Variants in PPM1H observed in about 807,000 individuals in gnomAD.
The protein encoded by PPM1H is protein phosphatase, Mg2+/Mn2+ dependent 1H.
Under a neutral mutation model 54.9 loss-of-function variants are expected in PPM1H, and 27 were observed. That is an observed-to-expected ratio of 0.49 (90% confidence interval 0.36 to 0.68). The LOEUF (loss-of-function observed/expected upper bound fraction) is 0.68, where lower values mean the gene tolerates loss of function less well. Among genes scored for constraint, PPM1H ranks in the 30% least tolerant of loss-of-function variants. The pLI, the probability that PPM1H is intolerant of heterozygous loss-of-function variation, is 0.00. For missense variants in PPM1H, 596 were observed against 667.8 expected, an observed-to-expected ratio of 0.89 and a Z score of 1.19; for synonymous variants, 305 against 270.8, an observed-to-expected ratio of 1.13 and a Z score of -1.24.
chr12:62,796,586 G>T (rs534505249), intron 3 of PPM1H, among the ~76,000 whole-genome samples: 5 of 152,168 alleles, frequency 3.3e-5, no homozygotes, highest in Non-Finnish European at 7.4e-5. Context: ...CACTTGGCAC[G>T]TGACCCTCCA....
rs529690755 is a variant in PPM1H at position 62,700,326 on chromosome 12, CCT to C, written c.1074-6329_1074-6328del. Among the ~76,000 whole-genome samples the C allele has an allele frequency of 5.4e-3, 817 of 152,098 alleles. 9 individuals carry two copies. The highest frequency in any genetic ancestry group is 0.019 in the African/African-American group (781 of 41,478). On this transcript the variant is annotated intron_variant, in intron 6 of 9. Coordinates refer to ENST00000228705, the MANE Select transcript of PPM1H (RefSeq NM_020700.2). ...GAGATTCCAATTCTGAATCATTTTT[CCT>C]CTCTCACTCCCTTGTTGAAGCTCTC... is the stretch of plus-strand genomic sequence containing the variant.
intron 9 of PPM1H, among the ~76,000 whole-genome samples, chr12:62,657,162 A>G (rs2075849259): frequency 1.3e-5 from 2 of 152,184 alleles, no homozygotes; most frequent in Non-Finnish European, 2.9e-5. Context: ...ACAAAGCTGC[A>G]GACTGGAGGG....
rs376095459 is a variant in PPM1H at position 62,925,975 on chromosome 12, G to A, written c.245+8517C>T. Among the ~76,000 whole-genome samples, 42 of 152,226 alleles carry A rather than the reference G, an allele frequency of 2.8e-4. 1 individual carries two copies. In the South Asian group the frequency reaches 8.1e-3, roughly 29 times the overall value. On this transcript the variant is annotated intron_variant, in intron 1 of 9. Coordinates refer to ENST00000228705, the MANE Select transcript of PPM1H (RefSeq NM_020700.2). ...AGTTATCTATAGTAGTAGAATCTTC[G>A]AAACTATCTGCCCAGCCCTAACTAC...
chr12:62,820,102 A>G (rs1270661675), intron 2 of PPM1H, among the ~76,000 whole-genome samples: 1 of 152,130 alleles, frequency 6.6e-6, no homozygotes, highest in Non-Finnish European at 1.5e-5. Flanking sequence ...GCCTTAGCAA[A>G]TGGCACCTGG....
rs1317368553 is a variant in PPM1H, at chr12:62,727,635, AAAT to A, written c.955-7349_955-7347del. On this transcript the variant is annotated intron_variant, in intron 5 of 9. Coordinates refer to ENST00000228705, the MANE Select transcript of PPM1H (RefSeq NM_020700.2). ...AAATTAGCAGTTGATATTAAAATGCAAATATTATTATTATTATTATTATTATTA... is the reference window on the plus strand; with the variant it reads ...AAATTAGCAGTTGATATTAAAATGCAATTATTATTATTATTATTATTATTA... 1.2e-3 allele frequency among the ~76,000 whole-genome samples: 96 copies of A among 81,064 alleles called. No homozygotes were observed. In the East Asian group the frequency reaches 0.014, roughly 12 times the overall value. 53.2% of individuals were successfully genotyped at this position (81,064 alleles called of 152,430 possible).
intron 1 of PPM1H, among the ~76,000 whole-genome samples, chr12:62,861,557 A>C (rs144289475): frequency 1.8e-4 from 28 of 152,306 alleles, no homozygotes; most frequent in East Asian, 7.7e-4. Context: ...CACATTGCAC[A>C]CTTTGTATAT....
At chr12:62,926,347 G>T (rs868011979) in intron 1 of PPM1H, among the ~76,000 whole-genome samples, 7 of 152,108 alleles carry the variant, frequency 4.6e-5, no homozygotes, top group Non-Finnish European at 8.8e-5. Flanking sequence ...CCACCCCAAA[G>T]TTAGCTCAAA....
rs150542795 is a variant in PPM1H at position 62,806,013 on chromosome 12, A to G, written c.412-3853T>C. On this transcript the variant is annotated intron_variant, in intron 2 of 9. Transcript: ENST00000228705. Reference sequence around the variant, plus strand: ...AAAACTGGGAGAAATAAAACATTACATTTGAAAAAATGTAACTAGAGGGGT... The same window carrying G: ...AAAACTGGGAGAAATAAAACATTACGTTTGAAAAAATGTAACTAGAGGGGT... Among the ~76,000 whole-genome samples, 1,230 of 152,346 alleles carry G rather than the reference A, an allele frequency of 8.1e-3. 10 individuals carry two copies. Among genetic ancestry groups the G allele is most frequent in the Admixed American group, 0.013 (202 of 15,302 alleles).
rs79642459 is a variant in PPM1H at position 62,772,821 on chromosome 12, A to G, written c.869+15405T>C. Among the ~76,000 whole-genome samples the G allele has an allele frequency of 5.4e-3, 825 of 152,290 alleles. 9 individuals are homozygous for G. Among genetic ancestry groups the G allele is most frequent in the African/African-American group, 0.019 (777 of 41,560 alleles). On this transcript the variant is annotated intron_variant, in intron 4 of 9. Transcript: ENST00000228705. Reference sequence around the variant, plus strand: ...CTCTGTCAGCTGACAGGCAGGCAGTAGTAGCGGGAGGCGCCAAGAGTGGGA... The same window carrying G: ...CTCTGTCAGCTGACAGGCAGGCAGTGGTAGCGGGAGGCGCCAAGAGTGGGA...
chr12:62,768,132 C>T (rs1315489538), intron 4 of PPM1H, among the ~76,000 whole-genome samples: 1 of 152,076 alleles, frequency 6.6e-6, no homozygotes, highest in African/African-American at 2.4e-5. Flanking sequence ...ACATCACTCG[C>T]CCACACCCCC....
At chr12:62,914,385 C>T (rs2121147960) in intron 1 of PPM1H, among the ~76,000 whole-genome samples, 1 of 152,288 alleles carries the variant, frequency 6.6e-6, no homozygotes, top group South Asian at 2.1e-4. Context: ...ATTACCTAGC[C>T]TTTGGTATTC....
chr12:62,700,584 C>T (rs1464472715), intron 6 of PPM1H, among the ~76,000 whole-genome samples: 1 of 152,190 alleles, frequency 6.6e-6, no homozygotes, highest in Admixed American at 6.5e-5. Context: ...GATTTCAACA[C>T]CTTCCCTGCT....
At chr12:62,845,445 A>ATAGTT (rs1240055437) in intron 1 of PPM1H, among the ~76,000 whole-genome samples, 2 of 152,362 alleles carry the variant, frequency 1.3e-5, no homozygotes, top group East Asian at 3.9e-4. Context: ...TACATGGAAC[A>ATAGTT]TAGTTTTAGA....
intron 2 of PPM1H, among the ~76,000 whole-genome samples, chr12:62,802,700 C>T (rs2076778460): frequency 7.6e-6 from 1 of 132,008 alleles, no homozygotes; most frequent in South Asian, 2.6e-4. Context: ...ATGCCTCAGC[C>T]TCTGGAGTAG....
intron 5 of PPM1H, 101 bp downstream of exon 5, chr12:62,737,401 C>T (rs148376437): frequency 3.2e-4 from 223 of 696,930 alleles, no homozygotes; most frequent in African/African-American, 2.7e-3. Flanking sequence ...CATTTGAATG[C>T]GGTGAGCCTG....
At chr12:62,833,278 G>A (rs1868405611) in intron 1 of PPM1H, among the ~76,000 whole-genome samples, 2 of 152,168 alleles carry the variant, frequency 1.3e-5, no homozygotes, top group Non-Finnish European at 2.9e-5. Flanking sequence ...AGCTCTATAA[G>A]TGTGGTGTGT....
chr12:62,887,336 A>G (rs1000210895), intron 1 of PPM1H, among the ~76,000 whole-genome samples: 1 of 152,218 alleles, frequency 6.6e-6, no homozygotes, highest in African/African-American at 2.4e-5. Flanking sequence ...TTACAGTACT[A>G]GACTTTGGAA....
At chr12:62,728,901 A>G (rs2076304888) in intron 5 of PPM1H, among the ~76,000 whole-genome samples, 1 of 152,196 alleles carries the variant, frequency 6.6e-6, no homozygotes, top group Admixed American at 6.5e-5. Flanking sequence ...ATTGCTTGCT[A>G]GGGAATACAA....
At chr12:62,764,016 A>G (rs2076526833) in intron 4 of PPM1H, among the ~76,000 whole-genome samples, 1 of 152,186 alleles carries the variant, frequency 6.6e-6, no homozygotes, top group Admixed American at 6.5e-5. Context: ...GCCTCGATCC[A>G]GCTGCTGCCT....
Sources: gnomAD v4.1 joint callset for allele counts (sites outside exome capture counted in the v4.1 genomes callset) on GRCh38, gnomAD v4.1.1 for gene constraint, MANE v1.5 for transcripts, NCBI Gene and HGNC (gene_info 2026-07-23, HGNC 2026-07-21) for gene names.